FLNC: variants seen among roughly 807,000 people sequenced by gnomAD.
The protein encoded by FLNC is filamin-C.
A neutral mutation model predicts 254.3 loss-of-function variants in FLNC; 91 were observed. The ratio of observed to expected loss-of-function variants is 0.36; its 90% CI spans 0.30 to 0.43. The LOEUF is 0.43. Ranked by LOEUF, FLNC falls within the 20% of genes least tolerant of loss-of-function variation. The pLI, the probability that FLNC is intolerant of heterozygous loss-of-function variation, is 1.00. For synonymous variants in FLNC, 1,430 were observed against 1,577.2 expected, an observed-to-expected ratio of 0.91 and a Z score of 2.21; for missense variants, 2,853 against 3,802.6, an observed-to-expected ratio of 0.75 and a Z score of 6.57.
intron 1 of FLNC, among the ~76,000 whole-genome samples, chr7:128,834,323 C>CA (rs1202469912): frequency 6.8e-6 from 1 of 146,646 alleles, no homozygotes; most frequent in Non-Finnish European, 1.5e-5. Context: ...CCCCCCCCCC[C>CA]AAATCTTGAG....
In FLNC at chr7:128,830,679, G is replaced by C. The variant is rs1399381316; in HGVS notation, c.42G>C (p.Leu14=). 1.9e-6 allele frequency: 3 copies of C among 1,612,642 alleles called. No homozygotes were observed. Among genetic ancestry groups the C allele is most frequent in the Admixed American group, 1.7e-5 (1 of 59,998 alleles). Residue 14 remains leucine (L), a synonymous_variant, in exon 1 of 48, where the codon CTG becomes CTC. Coordinates refer to ENST00000325888, the MANE Select transcript of FLNC (RefSeq NM_001458.5). ...GCTACTCAGACGCCGGCCTCGGCCT[G>C]GGCGATGAGACAGACGAGATGCCGT... is the stretch of plus-strand genomic sequence containing the variant. ...NSGYSDAGLG[L]GDETDEMPST...
In FLNC at chr7:128,856,857, G is replaced by C; in HGVS notation, c.7497G>C (p.Gln2499His). ...GSPFKIRVGE[Q>H]SQAGDPGLVS... ...CCTTCAAGATCCGCGTTGGGGAGCA[G>C]AGCCAGGCTGGGGACCCAGGCTTGG... Residue 2499 changes from glutamine to histidine, a missense_variant, in exon 45 of 48, where the codon CAG becomes CAC. By Grantham distance (24) the Gln-to-His change is conservative (BLOSUM62 0). This residue lies in a region of FLNC where 197 missense variants were observed against 351.5 expected (regional missense o/e 0.56). Transcript: ENST00000325888. The surrounding 1 kb of genome is among the most constrained non-coding windows in gnomAD (Gnocchi z 5.9). The C allele has an allele frequency of 6.2e-7, 1 of 1,614,206 alleles. No homozygotes were observed. The highest frequency in any genetic ancestry group is 8.5e-7 in the Non-Finnish European group (1 of 1,180,030).
intron 35 of FLNC, 120 bp downstream of exon 35, chr7:128,851,748 TG>T: frequency 2.0e-6 from 2 of 983,290 alleles, no homozygotes; most frequent in Non-Finnish European, 1.6e-6. Context: ...CCCTTCAAGG[TG>T]TGAGGGGTCA....
intron 16 of FLNC, 49 bp downstream of exon 16, chr7:128,843,003 G>A: frequency 6.2e-7 from 1 of 1,601,728 alleles, no homozygotes; most frequent in African/African-American, 1.3e-5. Flanking sequence ...GCCAGCTCCA[G>A]AAGGCAGCTG....
chr7:128,839,170 G>A (rs1463643676), intron 8 of FLNC, among the ~76,000 whole-genome samples: 4 of 152,234 alleles, frequency 2.6e-5, no homozygotes, highest in African/African-American at 9.6e-5. Flanking sequence ...CAGTGGAGGC[G>A]GGGCCAGGCA....
chr7:128,853,224 G>T (rs1306070514), intron 37 of FLNC, 193 bp downstream of exon 37: 3 of 721,764 alleles, frequency 4.2e-6, no homozygotes, highest in Non-Finnish European at 7.2e-6. Flanking sequence ...CCTTTTAAGA[G>T]AAAGCTCAGC....
At position 128,842,747 on chromosome 7, in the gene FLNC, G is replaced by C; in HGVS notation, c.2390-47G>C. ...GTCTGGGAGGGGGCGGGGGTGAGTCGAGTCGGGGGCTGAGCCCAACTCACA... is the reference window on the plus strand; with the variant it reads ...GTCTGGGAGGGGGCGGGGGTGAGTCCAGTCGGGGGCTGAGCCCAACTCACA... On this transcript the variant is annotated intron_variant, in intron 15 of 47. Transcript: ENST00000325888. This position sits in a 1 kb window ranked among gnomAD's most constrained non-coding sequence, Gnocchi z 5.4. 6.2e-7 allele frequency: 1 copy of C among 1,601,038 alleles called. No homozygotes were observed. Among genetic ancestry groups the C allele is most frequent in the South Asian group, 1.1e-5 (1 of 89,502 alleles).
At position 128,846,846 on chromosome 7, in the gene FLNC, T is replaced by C. The variant is rs778951900; in HGVS notation, c.4229T>C (p.Ile1410Thr). The change falls in exon 24 of 48, where the codon ATC becomes ACC. Residue 1410 changes from isoleucine (I) to threonine (T), a missense_variant. Transcript: ENST00000325888. Reference sequence around the variant, plus strand: ...GATGGTAGCTGCACCGTGGAGTACATCCCCTTCACTCCTGGAGACTATGAC... The same window carrying C: ...GATGGTAGCTGCACCGTGGAGTACACCCCCTTCACTCCTGGAGACTATGAC... ...NKDGSCTVEYIPFTPGDYDVN... is the reference protein window; with the variant it reads ...NKDGSCTVEYTPFTPGDYDVN... The C allele has an allele frequency of 1.2e-6, 2 of 1,614,044 alleles. No homozygotes were observed. Among genetic ancestry groups the C allele is most frequent in the Non-Finnish European group, 1.7e-6 (2 of 1,180,026 alleles).
In FLNC at chr7:128,842,143, G is replaced by T; in HGVS notation, c.2122-88G>T. ...GGCGGGAGTGCCAGTGTTGGGGGTG[G>T]GAAAGGAGGCGCTGGGTTCACCTGC... On this transcript the variant is annotated intron_variant, in intron 13 of 47. Coordinates refer to ENST00000325888, the MANE Select transcript of FLNC (RefSeq NM_001458.5). This position sits in a 1 kb window ranked among gnomAD's most constrained non-coding sequence, Gnocchi z 5.4. 1 of 1,395,742 alleles carries T rather than the reference G, an allele frequency of 7.2e-7. No individual in the cohort carries two copies. The allele number at this position is 1,395,742 out of a possible 1,614,324, so 86.5% of individuals were successfully genotyped here. A position where few individuals can be genotyped will look rare whatever the true frequency, so the allele number is the denominator to read the frequency against.
Position 128,846,289 on chromosome 7 carries a change from G to T in FLNC, c.3965-12G>T, listed in dbSNP as rs368592349. On this transcript the variant is annotated splice_polypyrimidine_tract_variant and intron_variant, in intron 22 of 47. Coordinates refer to ENST00000325888, the MANE Select transcript of FLNC (RefSeq NM_001458.5). The stretch of plus-strand genomic sequence containing the variant: ...ACACTCCCTGATTGATGCCCCTGTG[G>T]CTGGCTTCCAGGCGTGCATCTGGTG... 8.1e-6 allele frequency: 13 copies of T among 1,613,740 alleles called. No homozygotes were observed. In the African/African-American group the frequency reaches 1.6e-4, roughly 20 times the overall value.
Position 128,835,081 on chromosome 7 carries a change from G to A in FLNC, c.353-245G>A, listed in dbSNP as rs180825936. 1.3e-5 allele frequency among the ~76,000 whole-genome samples: 2 copies of A among 152,350 alleles called. No individual in the cohort carries two copies. The highest frequency in any genetic ancestry group is 2.1e-4 in the South Asian group (1 of 4,828). ...TAGACAGGAGGCAGACTCACTTGCT[G>A]TAGCTGAGGTGAGGGTACCTTCCAG... On this transcript the variant is annotated intron_variant, in intron 1 of 47. Transcript: ENST00000325888. This position sits in a 1 kb window ranked among gnomAD's most constrained non-coding sequence, Gnocchi z 5.3.
chr7:128,859,064 C>G lies in FLNC; in HGVS notation c.*541C>G, dbSNP rs986602823. 6.1e-6 allele frequency: 1 copy of G among 163,138 alleles called. No individual in the cohort carries two copies. The highest frequency in any genetic ancestry group is 1.4e-5 in the Non-Finnish European group (1 of 73,928). The allele number at this position is 163,138 out of a possible 1,614,324, so 10.1% of individuals were successfully genotyped here. ...GGCCTGGCACATGGACCGGCCTGAGCGATGTGCACTCCACCCAAGCCAGGC... is the reference window on the plus strand; with the variant it reads ...GGCCTGGCACATGGACCGGCCTGAGGGATGTGCACTCCACCCAAGCCAGGC... On this transcript the variant is annotated 3_prime_UTR_variant, in exon 48 of 48. Transcript: ENST00000325888.
chr7:128,853,411 A>G, intron 37 of FLNC, 58 bp from the exon 38 acceptor site: 1 of 1,605,154 alleles, frequency 6.2e-7, no homozygotes, highest in South Asian at 1.1e-5. Flanking sequence ...GGGAGAGGAA[A>G]GCATTGTGGC....
rs769947935 is a variant in FLNC at position 128,843,294 on chromosome 7, C to T, written c.2616C>T (p.Ala872=). 30 of 1,612,650 alleles carry T rather than the reference C, an allele frequency of 1.9e-5. No homozygotes were observed. Among genetic ancestry groups the T allele is most frequent in the Non-Finnish European group, 2.4e-5 (28 of 1,179,364 alleles). ...CCCACGATGCCAGCAAAGTCAAGGC[C>T]GAGGGCCCTGGGCTGAATCGCACAG... ...DPSHDASKVK[A]EGPGLNRTGV... is the part of the protein sequence containing the mutation. Residue 872 remains alanine, a synonymous_variant, in exon 17 of 48, where the codon GCC becomes GCT. Coordinates refer to ENST00000325888, the MANE Select transcript of FLNC (RefSeq NM_001458.5).
At chr7:128,846,208 G>C in intron 22 of FLNC, 45 bp downstream of exon 22, 1 of 1,613,068 alleles carries the variant, frequency 6.2e-7, no homozygotes, top group Non-Finnish European at 8.5e-7. Context: ...TGGGCAAGTG[G>C]GCAGGGCCGG....
Position 128,842,644 on chromosome 7 carries a change from C to G in FLNC, c.2335C>G (p.Leu779Val). Reference protein sequence around the residue: ...VYGPGVEKTGLKANEPTYFTV... With the variant: ...VYGPGVEKTGVKANEPTYFTV... ...CGGCCCCGGAGTGGAGAAGACAGGC[C>G]TCAAGGCCAATGAGCCCACCTACTT... Residue 779 changes from leucine (L) to valine (V), a missense_variant, in exon 15 of 48, where the codon CTC becomes GTC. Leu to Val is a conservative substitution (Grantham distance 32). Around this residue, in one of 10 missense-constraint regions of FLNC, gnomAD observed 1,573 missense variants for 1,883.5 expected, o/e 0.84. Coordinates refer to ENST00000325888, the MANE Select transcript of FLNC (RefSeq NM_001458.5). The surrounding 1 kb of genome is among the most constrained non-coding windows in gnomAD (Gnocchi z 5.4). 2.6e-6 allele frequency: 4 copies of G among 1,551,954 alleles called. No individual in the cohort carries two copies. In the South Asian group the frequency reaches 4.7e-5, roughly 18 times the overall value.
rs60473969 is a variant in FLNC, at chr7:128,858,576, T to TAC, written c.*75_*76dup. On this transcript the variant is annotated 3_prime_UTR_variant, in exon 48 of 48. Coordinates refer to ENST00000325888, the MANE Select transcript of FLNC (RefSeq NM_001458.5). The surrounding 1 kb of genome is among the most constrained non-coding windows in gnomAD (Gnocchi z 6.7). ...CCCCCACCTCCAGCCACACACACAT[T>TAC]ACACACACACACACACACACACAAA... The TAC allele has an allele frequency of 0.015, 14,936 of 991,274 alleles. 571 individuals are homozygous for TAC. Among genetic ancestry groups the TAC allele is most frequent in the African/African-American group, 0.15 (8,892 of 59,990 alleles). The allele number at this position is 991,274 out of a possible 1,614,324, so 61.4% of individuals were successfully genotyped here.
intron 42 of FLNC, 49 bp from the exon 43 acceptor site, chr7:128,855,150 C>T (rs1227475607): frequency 7.3e-6 from 10 of 1,367,102 alleles, no homozygotes; most frequent in South Asian, 1.2e-5. Flanking sequence ...AGGCTCCCGC[C>T]CTGCCAACCT....
At position 128,852,938 on chromosome 7, in the gene FLNC, G is replaced by A. The variant is rs1354394880; in HGVS notation, c.6115G>A (p.Gly2039Arg). 5 of 1,613,460 alleles carry A rather than the reference G, an allele frequency of 3.1e-6. No homozygotes were observed. The highest frequency in any genetic ancestry group is 1.6e-4 in the Middle Eastern group (1 of 6,084). ...GATCCTGGTGGGGCCATCTGAGATC[G>A]GGGACGCCAGCAAGGTGCGGGTCTG... ...FKILVGPSEI[G>R]DASKVRVWGK... The change falls in exon 37 of 48, where the codon GGG becomes AGG. Residue 2039 changes from glycine (G) to arginine (R), a missense_variant. This residue lies in a region of FLNC where 551 missense variants were observed against 835.0 expected (regional missense o/e 0.66). Transcript: ENST00000325888.
Sources: gnomAD v4.1 joint callset for allele counts (sites outside exome capture counted in the v4.1 genomes callset) on GRCh38, gnomAD v4.1.1 for gene constraint, gnomAD v4.1.1 regional missense constraint, Gnocchi (gnomAD v3.1) non-coding constraint, MANE v1.5 for transcripts, NCBI Gene and HGNC (gene_info 2026-07-23, HGNC 2026-07-21) for gene names.